Variants in RPAP2 observed in about 807,000 individuals in gnomAD.
RPAP2 encodes the protein putative RNA polymerase II subunit B1 CTD phosphatase RPAP2.
RPAP2 carries 52 observed loss-of-function variants against 73.1 expected under a neutral mutation model. That is an observed-to-expected ratio of 0.71 (90% CI 0.57 to 0.90). The LOEUF is 0.90. Ranked by LOEUF, RPAP2 falls within the 40% of genes least tolerant of loss-of-function variation. The pLI is 0.00. For synonymous variants in RPAP2, 225 were observed against 242.1 expected, an observed-to-expected ratio of 0.93 and a Z score of 0.65; for missense variants, 598 against 701.8, an observed-to-expected ratio of 0.85 and a Z score of 1.67.
chr1:92,374,408 C>T (rs188737281), intron 11 of RPAP2, among the ~76,000 whole-genome samples: 41 of 152,258 alleles, frequency 2.7e-4, no homozygotes, highest in South Asian at 1.0e-3. Flanking sequence ...ATAGGGACTG[C>T]GTTGCTAGGT....
intron 8 of RPAP2, among the ~76,000 whole-genome samples, chr1:92,327,927 G>A (rs758148345): frequency 2.4e-4 from 36 of 152,248 alleles, no homozygotes; most frequent in Non-Finnish European, 4.7e-4. Context: ...TAGTTTCGCT[G>A]GATACAAAAT....
Position 92,396,636 on chromosome 1 carries a change from G to GTGTGTGTA in RPAP2, c.*9632_*9633insATGTGTGT, listed in dbSNP as rs1203392138. 1 of 111,240 alleles carries GTGTGTGTA rather than the reference G, an allele frequency of 9.0e-6. No homozygotes were observed. The highest frequency in any genetic ancestry group is 1.9e-4 in the East Asian group (1 of 5,138). The allele number at this position is 111,240 out of a possible 1,614,324, so 6.9% of individuals were successfully genotyped here. On this transcript the variant is annotated 3_prime_UTR_variant, in exon 13 of 13. Transcript: ENST00000610020. ...GTTGTAATTTTTGCACAACTTTTAT[G>GTGTGTGTA]TGTGTGTGTGTGTGTGTGTGTGAGA...
intron 11 of RPAP2, among the ~76,000 whole-genome samples, chr1:92,347,200 ATCTTTTG>A (rs1653948360): frequency 6.6e-6 from 1 of 152,186 alleles, no homozygotes; most frequent in Non-Finnish European, 1.5e-5. Context: ...ATAAGAACAA[ATCTTTTG>A]TCATTTCTAC....
rs1243755183 is a variant in RPAP2 at position 92,398,838 on chromosome 1, A to G, written c.*11827A>G. On this transcript the variant is annotated 3_prime_UTR_variant, in exon 13 of 13. Transcript: ENST00000610020. ...TGCCTGTGTGATTCCTGATAAAGAA[A>G]TGCCTTCATGAAATGTATTGTTCCC... 6.6e-6 allele frequency: 1 copy of G among 152,192 alleles called. No homozygotes were observed. Among genetic ancestry groups the G allele is most frequent in the African/African-American group, 2.4e-5 (1 of 41,436 alleles). 9.4% of individuals were successfully genotyped at this position (152,192 alleles called of 1,614,324 possible).
chr1:92,371,244 G>A (rs944398184), intron 11 of RPAP2, among the ~76,000 whole-genome samples: 11 of 151,614 alleles, frequency 7.3e-5, no homozygotes, highest in Admixed American at 3.3e-4. Context: ...GGCAGAGTTC[G>A]CAGTGAGCTG....
intron 11 of RPAP2, among the ~76,000 whole-genome samples, chr1:92,351,313 AAAAAAAAAAAAAAAAG>A (rs1304982839): frequency 7.1e-6 from 1 of 140,632 alleles, no homozygotes; most frequent in East Asian, 1.9e-4. Flanking sequence ...CTCAAAAAAA[AAAAAAAAAAAAAAAAG>A]AAAGGACCAT....
At chr1:92,341,657 C>T (rs1444953007) in intron 10 of RPAP2, among the ~76,000 whole-genome samples, 1 of 152,100 alleles carries the variant, frequency 6.6e-6, no homozygotes, top group African/African-American at 2.4e-5. Context: ...AAAGGAAATA[C>T]TTTTTTGAGT....
intron 2 of RPAP2, among the ~76,000 whole-genome samples, chr1:92,301,051 G>A (rs1048077037): frequency 1.3e-5 from 2 of 152,230 alleles, no homozygotes; most frequent in African/African-American, 4.8e-5. Flanking sequence ...TGAGTTTTCA[G>A]CGAAAGCCTT....
intron 8 of RPAP2, among the ~76,000 whole-genome samples, chr1:92,330,861 C>T (rs930643444): frequency 1.3e-5 from 2 of 152,154 alleles, no homozygotes; most frequent in African/African-American, 4.8e-5. Context: ...GAACCAGCAG[C>T]GTCAACATCA....
chr1:92,341,442 T>A (rs1286668813), intron 10 of RPAP2, among the ~76,000 whole-genome samples: 2 of 152,198 alleles, frequency 1.3e-5, no homozygotes, highest in Non-Finnish European at 1.5e-5. Context: ...AGGAAAAATA[T>A]GAAAACAGGT....
intron 3 of RPAP2, among the ~76,000 whole-genome samples, chr1:92,301,801 C>T (rs12086354): frequency 0.048 from 7,358 of 152,034 alleles, 614 homozygotes; most frequent in African/African-American, 0.17. Flanking sequence ...AAAATAAGTA[C>T]GTAACAAGGT....
intron 6 of RPAP2, among the ~76,000 whole-genome samples, chr1:92,318,259 G>A (rs937197313): frequency 2.0e-5 from 3 of 152,142 alleles, no homozygotes; most frequent in Non-Finnish European, 2.9e-5. Flanking sequence ...GACCATTAGC[G>A]CTTTAGATAA....
intron 11 of RPAP2, among the ~76,000 whole-genome samples, chr1:92,358,445 T>C (rs896806104): frequency 1.3e-5 from 2 of 152,194 alleles, no homozygotes; most frequent in Non-Finnish European, 2.9e-5. Context: ...AGATAAAATA[T>C]CTCTATACAT....
chr1:92,333,266 G>T, intron 8 of RPAP2, 125 bp from the exon 9 acceptor site: 1 of 682,846 alleles, frequency 1.5e-6, no homozygotes, highest in Non-Finnish European at 2.5e-6. Flanking sequence ...TAATTCTCAA[G>T]TCTAGTTATT....
In RPAP2 at chr1:92,393,595, T is replaced by C. The variant is rs1437715844; in HGVS notation, c.*6584T>C. The stretch of plus-strand genomic sequence containing the variant: ...ATATCCATCTGACAAAGGGCTAATA[T>C]CCAGAATCTACAAAGAACTTAAACA... On this transcript the variant is annotated 3_prime_UTR_variant, in exon 13 of 13. Transcript: ENST00000610020. 6.6e-6 allele frequency: 1 copy of C among 152,072 alleles called. No individual in the cohort carries two copies. Among genetic ancestry groups the C allele is most frequent in the Non-Finnish European group, 1.5e-5 (1 of 68,014 alleles). 9.4% of individuals were successfully genotyped at this position (152,072 alleles called of 1,614,324 possible).
intron 5 of RPAP2, among the ~76,000 whole-genome samples, chr1:92,304,793 A>G (rs1472129131): frequency 1.3e-5 from 2 of 152,204 alleles, no homozygotes; most frequent in African/African-American, 4.8e-5. Flanking sequence ...GTCTCTATAC[A>G]TAGATCAATT....
chr1:92,388,676 C>G lies in RPAP2; in HGVS notation c.*1665C>G, dbSNP rs763888727. ...GGTACACTCCTGCCCAAATACTGCTCTTTTCCCACAGTCTTCGCAACTGGC... is the reference window on the plus strand; with the variant it reads ...GGTACACTCCTGCCCAAATACTGCTGTTTTCCCACAGTCTTCGCAACTGGC... On this transcript the variant is annotated 3_prime_UTR_variant, in exon 13 of 13. Transcript: ENST00000610020. 6.6e-6 allele frequency: 1 copy of G among 152,308 alleles called. No homozygotes were observed. The highest frequency in any genetic ancestry group is 1.5e-5 in the Non-Finnish European group (1 of 68,122). The allele number at this position is 152,308 out of a possible 1,614,324, so 9.4% of individuals were successfully genotyped here.
chr1:92,359,401 C>T (rs1359168511), intron 11 of RPAP2, among the ~76,000 whole-genome samples: 1 of 152,244 alleles, frequency 6.6e-6, no homozygotes, highest in African/African-American at 2.4e-5. Context: ...CTCACCGCAA[C>T]CCCCGCCTCC....
At chr1:92,304,420 G>A in intron 5 of RPAP2, 71 bp downstream of exon 5, 2 of 781,298 alleles carry the variant, frequency 2.6e-6, no homozygotes, top group Non-Finnish European at 4.1e-6. Flanking sequence ...ACAAGGCATG[G>A]CAATTAATTT....
Sources: gnomAD v4.1 joint callset for allele counts (sites outside exome capture counted in the v4.1 genomes callset) on GRCh38, gnomAD v4.1.1 for gene constraint, MANE v1.5 for transcripts, NCBI Gene and HGNC (gene_info 2026-07-23, HGNC 2026-07-21) for gene names.